CAMTA1: variants seen among roughly 807,000 people sequenced by gnomAD.
The protein encoded by CAMTA1 is calmodulin binding transcription activator 1.
A neutral mutation model predicts 170.9 loss-of-function variants in CAMTA1; 27 were observed. The ratio of observed to expected loss-of-function variants is 0.16; its 90% CI spans 0.12 to 0.22. CAMTA1 has a LOEUF of 0.22. CAMTA1 is among the 10% of genes least tolerant of loss of function. The probability of loss-of-function intolerance (pLI) is 1.00; values close to 1 mark genes in which losing one functional copy is unlikely to be tolerated. For synonymous variants in CAMTA1, 833 were observed against 891.5 expected, an observed-to-expected ratio of 0.93 and a Z score of 1.17; for missense variants, 1,619 against 2,217.2, an observed-to-expected ratio of 0.73 and a Z score of 5.42.
chr1:7,512,340 A>G (rs1473592675), intron 6 of CAMTA1, among the ~76,000 whole-genome samples: 1 of 152,224 alleles, frequency 6.6e-6, no homozygotes, highest in African/African-American at 2.4e-5. Flanking sequence ...CAAGGCCTGT[A>G]AGGGGGAGAT....
At chr1:7,343,205 G>A (rs1423012225) in intron 5 of CAMTA1, among the ~76,000 whole-genome samples, 2 of 152,204 alleles carry the variant, frequency 1.3e-5, no homozygotes, top group East Asian at 3.8e-4. Flanking sequence ...ACACAATGGT[G>A]AAATAAAACA....
chr1:6,973,415 T>C (rs1178115307), intron 3 of CAMTA1, among the ~76,000 whole-genome samples: 1 of 152,196 alleles, frequency 6.6e-6, no homozygotes, highest in East Asian at 1.9e-4. Context: ...CATAGCATAG[T>C]GTCCTCTGGG....
intron 5 of CAMTA1, among the ~76,000 whole-genome samples, chr1:7,378,929 C>T (rs534284310): frequency 6.6e-5 from 10 of 152,162 alleles, no homozygotes; most frequent in East Asian, 3.9e-4. Context: ...TATCTTGCAC[C>T]GGCTCCTCGA....
intron 6 of CAMTA1, among the ~76,000 whole-genome samples, chr1:7,516,162 A>T (rs557172062): frequency 6.6e-6 from 1 of 152,332 alleles, no homozygotes; most frequent in South Asian, 2.1e-4. Context: ...CTTAACACAG[A>T]GTCGTGGGCT....
At chr1:7,318,806 A>AT (rs1312413982) in intron 5 of CAMTA1, among the ~76,000 whole-genome samples, 1 of 152,226 alleles carries the variant, frequency 6.6e-6, no homozygotes, top group African/African-American at 2.4e-5. Flanking sequence ...TCATTGCTGG[A>AT]TCCCTAGGGC....
chr1:7,584,448 G>A (rs2095291121), intron 6 of CAMTA1, among the ~76,000 whole-genome samples: 1 of 152,130 alleles, frequency 6.6e-6, no homozygotes, highest in Non-Finnish European at 1.5e-5. Flanking sequence ...TAAGCTGACG[G>A]CAGGATTGTG....
At chr1:6,927,239 G>A (rs956095371) in intron 3 of CAMTA1, among the ~76,000 whole-genome samples, 23 of 152,084 alleles carry the variant, frequency 1.5e-4, no homozygotes, top group African/African-American at 5.3e-4. Context: ...ATTTTGCCAT[G>A]TTGCTCAGGC....
At chr1:7,086,223 G>A (rs761031629) in intron 3 of CAMTA1, among the ~76,000 whole-genome samples, 6 of 152,088 alleles carry the variant, frequency 3.9e-5, no homozygotes, top group Admixed American at 2.6e-4. Flanking sequence ...CTTGACAGTC[G>A]AGTCATTCTT....
intron 1 of CAMTA1, among the ~76,000 whole-genome samples, chr1:6,801,569 A>G (rs1406529366): frequency 1.3e-5 from 2 of 152,220 alleles, no homozygotes; most frequent in African/African-American, 2.4e-5. Context: ...AAAATAAGCT[A>G]TGGCTAATGG....
At chr1:7,480,396 AGTGTGTGTGT>A (rs377104355) in intron 6 of CAMTA1, among the ~76,000 whole-genome samples, 3 of 149,724 alleles carry the variant, frequency 2.0e-5, no homozygotes, top group South Asian at 4.3e-4. Context: ...CGTATATGAG[AGTGTGTGTGT>A]GTGTGTGTGT....
At chr1:7,746,219 G>C (rs1199245967) in intron 18 of CAMTA1, 128 bp downstream of exon 18, 2 of 1,059,436 alleles carry the variant, frequency 1.9e-6, no homozygotes, top group Admixed American at 5.4e-5. Flanking sequence ...AATTTTTTTG[G>C]AAGTCTCCAA....
At chr1:7,473,559 C>T (rs2093369165) in intron 6 of CAMTA1, among the ~76,000 whole-genome samples, 1 of 152,248 alleles carries the variant, frequency 6.6e-6, no homozygotes, top group African/African-American at 2.4e-5. Flanking sequence ...CAGACACAGG[C>T]CCTATAGGCC....
rs1284337551 is a variant in CAMTA1 at position 7,067,002 on chromosome 1, A to T, written c.235-24302A>T. Among the ~76,000 whole-genome samples the T allele has an allele frequency of 6.6e-6, 1 of 152,254 alleles. No individual in the cohort carries two copies. ...TGGAAGCAGCATCTAATATGTAAGC[A>T]GTTGACTCCTGCTGGATGGGCACAT... On this transcript the variant is annotated intron_variant, in intron 3 of 22. Transcript: ENST00000303635. The surrounding 1 kb of genome is among the most constrained non-coding windows in gnomAD (Gnocchi z 4.3).
intron 3 of CAMTA1, among the ~76,000 whole-genome samples, chr1:6,935,565 C>T (rs935551168): frequency 6.6e-6 from 1 of 152,188 alleles, no homozygotes; most frequent in Non-Finnish European, 1.5e-5. Context: ...AAGGAAATGG[C>T]GATCTCCTCC....
At chr1:6,911,627 G>A (rs1436033478) in intron 3 of CAMTA1, among the ~76,000 whole-genome samples, 21 of 152,070 alleles carry the variant, frequency 1.4e-4, no homozygotes, top group Non-Finnish European at 1.5e-5. Flanking sequence ...GACCTTCATA[G>A]GGCTGAGAAG....
chr1:7,658,775 C>T (rs1310037931), intron 7 of CAMTA1, among the ~76,000 whole-genome samples: 1 of 152,094 alleles, frequency 6.6e-6, no homozygotes, highest in African/African-American at 2.4e-5. Context: ...GAAAAGGGTC[C>T]CATAGCTATG....
chr1:7,665,096 A>G lies in CAMTA1; in HGVS notation c.2549A>G (p.Glu850Gly). The G allele has an allele frequency of 6.5e-7, 1 of 1,542,088 alleles. No individual in the cohort carries two copies. The part of the protein sequence containing the change: ...ASTMAYMHVA[E>G]VVSAASAQGT... The stretch of plus-strand genomic sequence containing the variant: ...ACCATGGCCTACATGCACGTCGCCG[A>G]GGTGGTCTCGGCCGCCTCGGCCCAG... Residue 850 changes from glutamate to glycine, a missense_variant, in exon 9 of 23, where the codon GAG becomes GGG. Transcript: ENST00000303635. This position sits in a 1 kb window ranked among gnomAD's most constrained non-coding sequence, Gnocchi z 4.3.
chr1:7,416,943 G>T (rs1342018638), intron 5 of CAMTA1, among the ~76,000 whole-genome samples: 1 of 140,714 alleles, frequency 7.1e-6, no homozygotes. Flanking sequence ...TTTTGGTGTG[G>T]ATGTCCTTTC....
At chr1:6,927,758 T>G (rs1303276590) in intron 3 of CAMTA1, among the ~76,000 whole-genome samples, 1 of 152,236 alleles carries the variant, frequency 6.6e-6, no homozygotes, top group Non-Finnish European at 1.5e-5. Flanking sequence ...AAGTATTGCT[T>G]GTTTCCCACA....
Sources: gnomAD v4.1 joint callset for allele counts (sites outside exome capture counted in the v4.1 genomes callset) on GRCh38, gnomAD v4.1.1 for gene constraint, Gnocchi (gnomAD v3.1) non-coding constraint, MANE v1.5 for transcripts, NCBI Gene and HGNC (gene_info 2026-07-23, HGNC 2026-07-21) for gene names.